CSDE1: variants seen among roughly 807,000 people sequenced by gnomAD.
CSDE1 encodes cold shock domain-containing protein E1.
CSDE1 carries 17 observed loss-of-function variants against 89.3 expected under a neutral mutation model. The ratio of observed to expected loss-of-function variants is 0.19; its 90% CI spans 0.13 to 0.29. CSDE1 has a LOEUF of 0.29. CSDE1 is among the 10% of genes least tolerant of loss of function. CSDE1 has a pLI of 1.00. For missense variants in CSDE1, 672 were observed against 984.2 expected, an observed-to-expected ratio of 0.68 and a Z score of 4.24; for synonymous variants, 322 against 332.8, an observed-to-expected ratio of 0.97 and a Z score of 0.35.
chr1:114,733,918 A>T (rs967740981), intron 8 of CSDE1, 61 bp from the exon 9 acceptor site: 2 of 1,607,324 alleles, frequency 1.2e-6, no homozygotes, highest in African/African-American at 2.7e-5. Flanking sequence ...ACATAATTTT[A>T]AGTGTTTCTT....
chr1:114,751,307 T>A (rs764666908), intron 1 of CSDE1, among the ~76,000 whole-genome samples: 6 of 152,174 alleles, frequency 3.9e-5, no homozygotes, highest in Non-Finnish European at 8.8e-5. Context: ...CAAAATGGTG[T>A]TAACGAAAAT....
At chr1:114,754,473 G>A (rs182003975) in intron 1 of CSDE1, among the ~76,000 whole-genome samples, 1 of 152,286 alleles carries the variant, frequency 6.6e-6, no homozygotes, top group Admixed American at 6.5e-5. Flanking sequence ...CACTCACTTC[G>A]GGAAAAGTTA....
intron 2 of CSDE1, chr1:114,741,416 G>C: frequency 9.7e-7 from 1 of 1,025,816 alleles, no homozygotes; most frequent in Non-Finnish European, 1.3e-6. Flanking sequence ...AAATGATTCG[G>C]GAAGTTAGAA....
intron 1 of CSDE1, among the ~76,000 whole-genome samples, chr1:114,756,419 G>C (rs1041714560): frequency 6.6e-6 from 1 of 152,012 alleles, no homozygotes; most frequent in African/African-American, 2.4e-5. Context: ...CCACACCAAG[G>C]ATATCCATTA....
At chr1:114,730,746 C>G in intron 10 of CSDE1, 98 bp from the exon 11 acceptor site, 1 of 1,387,956 alleles carries the variant, frequency 7.2e-7, no homozygotes, top group Non-Finnish European at 1.0e-6. Flanking sequence ...CAGGAATTTT[C>G]TCTGATGTGA....
At chr1:114,724,071 A>C in intron 15 of CSDE1, 69 bp from the exon 16 acceptor site, 6 of 1,521,720 alleles carry the variant, frequency 3.9e-6, no homozygotes, top group Non-Finnish European at 4.5e-6. Context: ...ACAAGTAAGC[A>C]AAAAATAACA....
At chr1:114,733,543 A>AC (rs1557997901) in intron 9 of CSDE1, among the ~76,000 whole-genome samples, 189 bp downstream of exon 9, 3 of 152,020 alleles carry the variant, frequency 2.0e-5, no homozygotes, top group African/African-American at 7.2e-5. Context: ...AAAAAAAAAA[A>AC]AAAAAACACC....
rs185872129 is a variant in CSDE1, at chr1:114,717,725, G to T, written c.*444C>A. The T allele has an allele frequency of 6.3e-6, 1 of 158,524 alleles. No homozygotes were observed. Among genetic ancestry groups the T allele is most frequent in the African/African-American group, 2.4e-5 (1 of 41,716 alleles). The allele number at this position is 158,524 out of a possible 1,614,324, so 9.8% of individuals were successfully genotyped here. On this transcript the variant is annotated 3_prime_UTR_variant, in exon 20 of 20. Transcript: ENST00000358528. Reference sequence around the variant, plus strand: ...CCTCAGAATTAAAGCATAATGAACAGGAAGAAAAAGGAAAAGAATGCAACT... The same window carrying T: ...CCTCAGAATTAAAGCATAATGAACATGAAGAAAAAGGAAAAGAATGCAACT...
At chr1:114,741,368 A>T (rs985734371) in intron 2 of CSDE1, among the ~76,000 whole-genome samples, 2 of 152,202 alleles carry the variant, frequency 1.3e-5, no homozygotes, top group Non-Finnish European at 1.5e-5. Flanking sequence ...GTAAGACCCT[A>T]ATCTACTGAA....
At chr1:114,734,655 A>T in intron 6 of CSDE1, 132 bp from the exon 7 acceptor site, 1 of 650,920 alleles carries the variant, frequency 1.5e-6, no homozygotes, top group Non-Finnish European at 2.6e-6. Flanking sequence ...GAATAAATAC[A>T]GGGTTTATGA....
intron 2 of CSDE1, among the ~76,000 whole-genome samples, chr1:114,743,870 G>C (rs1001240581): frequency 1.3e-5 from 2 of 152,186 alleles, no homozygotes; most frequent in African/African-American, 2.4e-5. Flanking sequence ...TATCCATTTG[G>C]AGGAAGCCTT....
intron 16 of CSDE1, among the ~76,000 whole-genome samples, chr1:114,721,523 G>C (rs548944369): frequency 6.6e-6 from 1 of 152,310 alleles, no homozygotes; most frequent in East Asian, 1.9e-4. Flanking sequence ...TGGAAAACAT[G>C]AGAAAAACAG....
At chr1:114,743,762 A>AGTCTCC (rs1480790943) in intron 2 of CSDE1, among the ~76,000 whole-genome samples, 3 of 152,244 alleles carry the variant, frequency 2.0e-5, no homozygotes, top group Non-Finnish European at 2.9e-5. Context: ...CTACTGTTCG[A>AGTCTCC]GTCTCCGTCT....
At chr1:114,742,552 A>C (rs566494777) in intron 2 of CSDE1, among the ~76,000 whole-genome samples, 31 of 152,348 alleles carry the variant, frequency 2.0e-4, no homozygotes, top group Non-Finnish European at 3.5e-4. Flanking sequence ...ACTGCACTCC[A>C]GCCTGGGCAA....
At chr1:114,741,401 G>T in intron 2 of CSDE1, 1 of 894,070 alleles carries the variant, frequency 1.1e-6, no homozygotes, top group Non-Finnish European at 1.6e-6. Context: ...GAGTGAAGGT[G>T]AAAAAAATGA....
chr1:114,719,759 G>A lies in CSDE1; in HGVS notation c.2053-17C>T, dbSNP rs142574994. On this transcript the variant is annotated splice_polypyrimidine_tract_variant and intron_variant, in intron 17 of 19. Transcript: ENST00000358528. ...GAAGCCAAACTGAAAAAAAAAAGTA[G>A]GTAAAAAAGAGAGGGCATGCCACAC... 4 of 1,605,034 alleles carry A rather than the reference G, an allele frequency of 2.5e-6. No homozygotes were observed. The highest frequency in any genetic ancestry group is 3.4e-6 in the Non-Finnish European group (4 of 1,177,552).
At chr1:114,730,956 T>C (rs971934345) in intron 10 of CSDE1, among the ~76,000 whole-genome samples, 4 of 152,166 alleles carry the variant, frequency 2.6e-5, no homozygotes, top group East Asian at 3.8e-4. Context: ...CTAATGACAA[T>C]ATAATCTCCA....
At chr1:114,735,401 C>T (rs1286421289) in intron 6 of CSDE1, among the ~76,000 whole-genome samples, 3 of 152,174 alleles carry the variant, frequency 2.0e-5, no homozygotes, top group Non-Finnish European at 4.4e-5. Flanking sequence ...TTGTAACTTA[C>T]TGCAGTGAAA....
intron 10 of CSDE1, among the ~76,000 whole-genome samples, chr1:114,731,838 A>T (rs1454445318): frequency 6.6e-6 from 1 of 152,148 alleles, no homozygotes; most frequent in Non-Finnish European, 1.5e-5. Flanking sequence ...TTTTTTTGAG[A>T]CAGTCTTCCT....
Sources: gnomAD v4.1 joint callset for allele counts (sites outside exome capture counted in the v4.1 genomes callset) on GRCh38, gnomAD v4.1.1 for gene constraint, MANE v1.5 for transcripts, NCBI Gene and HGNC (gene_info 2026-07-23, HGNC 2026-07-21) for gene names.